Variants in NLRP5 observed in about 807,000 individuals in gnomAD.
NLRP5 encodes NACHT, LRR and PYD domains-containing protein 5.
A neutral mutation model predicts 113.1 loss-of-function variants in NLRP5; 93 were observed. That is an observed-to-expected ratio of 0.82 (90% CI 0.70 to 0.98). NLRP5 has a LOEUF of 0.98. NLRP5 is among the 50% of genes least tolerant of loss of function. NLRP5 has a pLI of 0.00. For synonymous variants in NLRP5, 751 were observed against 600.7 expected (o/e 1.25, Z -3.66); for missense variants, 1,808 against 1,514.3 (o/e 1.19, Z -3.22).
chr19:56,026,196 C>A (rs879525), intron 6 of NLRP5, among the ~76,000 whole-genome samples: 1 of 152,002 alleles, frequency 6.6e-6, no homozygotes, highest in African/African-American at 2.4e-5. Context: ...CACTGATGCT[C>A]GGTCCAGGGT....
chr19:56,059,660 G>C (rs769623430), intron 14 of NLRP5, among the ~76,000 whole-genome samples: 2 of 152,138 alleles, frequency 1.3e-5, no homozygotes, highest in Admixed American at 6.5e-5. Context: ...TCAGCCTCCT[G>C]AGTGGCTGGG....
In NLRP5 at chr19:56,027,595, G is replaced by A. The variant is rs1319067797; in HGVS notation, c.1362G>A (p.Gly454=). ...TTGGTGAGCATCAGAAGACACAAGGGTTGCGTGCGATCATGAACAACCGTG... is the reference window on the plus strand; with the variant it reads ...TTGGTGAGCATCAGAAGACACAAGGATTGCGTGCGATCATGAACAACCGTG... The change falls in exon 7 of 15, where the codon GGG becomes GGA. Residue 454 remains glycine, a synonymous_variant. Coordinates refer to ENST00000390649, the MANE Select transcript of NLRP5 (RefSeq NM_153447.4). 2.5e-6 allele frequency: 4 copies of A among 1,613,926 alleles called. No individual in the cohort carries two copies. The highest frequency in any genetic ancestry group is 3.4e-6 in the Non-Finnish European group (4 of 1,179,898).
At position 56,050,494 on chromosome 19, in the gene NLRP5, C is replaced by T; in HGVS notation, c.3034C>T (p.His1012Tyr). ...GCTTATGGGTAACTCATGGCTGACGCACCTGAGCCTTAGCATGAACCCTGT... is the reference window on the plus strand; with the variant it reads ...GCTTATGGGTAACTCATGGCTGACGTACCTGAGCCTTAGCATGAACCCTGT... Residue 1012 changes from histidine (H) to tyrosine (Y), a missense_variant, in exon 12 of 15, where the codon CAC becomes TAC. His to Tyr is a moderately conservative substitution (Grantham distance 83, BLOSUM62 2). Transcript: ENST00000390649. 1 of 1,613,858 alleles carries T rather than the reference C, an allele frequency of 6.2e-7. No individual in the cohort carries two copies. Among genetic ancestry groups the T allele is most frequent in the Non-Finnish European group, 8.5e-7 (1 of 1,179,840 alleles).
At chr19:56,007,911 G>GGGCACAGAAAGAAGTAGAAA (rs1568483120) in intron 2 of NLRP5, among the ~76,000 whole-genome samples, 16 of 31,082 alleles carry the variant, frequency 5.1e-4, no homozygotes, top group Non-Finnish European at 9.9e-4. Flanking sequence ...GTGCGTGTGT[G>GGGCACAGAAAGAAGTAGAAA]TGTGTGTGTG....
chr19:55,995,543 T>C (rs1050887076), upstream of NLRP5, among the ~76,000 whole-genome samples: 4 of 152,200 alleles, frequency 2.6e-5, no homozygotes, highest in African/African-American at 9.6e-5. Flanking sequence ...TCCAGCTTTC[T>C]TTTTGCTCAA....
the NLRP5 span, chr19:55,987,887 G>C: frequency 1.2e-6 from 2 of 1,613,814 alleles, no homozygotes; most frequent in African/African-American, 2.7e-5. Context: ...GGGAAAAAGT[G>C]ACTGCCTATC....
At chr19:56,048,971 T>TC (rs1983824766) in intron 11 of NLRP5, among the ~76,000 whole-genome samples, 1 of 68,822 alleles carries the variant, frequency 1.5e-5, no homozygotes, top group African/African-American at 4.7e-5. Context: ...CTCTGATTTT[T>TC]TTTTTTAATT....
chr19:55,995,053 T>C (rs1981281538), upstream of NLRP5, among the ~76,000 whole-genome samples: 1 of 152,114 alleles, frequency 6.6e-6, no homozygotes, highest in Non-Finnish European at 1.5e-5. Flanking sequence ...GTTCATGCTC[T>C]TTGTAGGGAC....
intron 6 of NLRP5, among the ~76,000 whole-genome samples, chr19:56,025,734 A>G (rs1000467047): frequency 2.0e-5 from 3 of 152,062 alleles, no homozygotes; most frequent in Middle Eastern, 3.4e-3. Context: ...GTACAGCAGG[A>G]TTCCCCCATT....
chr19:56,011,535 T>C (rs993301967), intron 3 of NLRP5, among the ~76,000 whole-genome samples: 1 of 152,072 alleles, frequency 6.6e-6, no homozygotes, highest in African/African-American at 2.4e-5. Flanking sequence ...GACAATAAGA[T>C]ACATCCATCC....
At chr19:55,992,984 G>C in the NLRP5 span, among the ~76,000 whole-genome samples, 11 of 151,786 alleles carry the variant, frequency 7.2e-5, no homozygotes, top group Non-Finnish European at 1.2e-4. Flanking sequence ...TGAGTAGCTG[G>C]GATTACGGGC....
intron 3 of NLRP5, among the ~76,000 whole-genome samples, chr19:56,013,068 C>T (rs1049341119): frequency 3.7e-4 from 57 of 152,192 alleles, no homozygotes; most frequent in African/African-American, 1.3e-3. Flanking sequence ...CCATACCCAG[C>T]CCCTGGAAAC....
chr19:56,020,009 G>A (rs1431223248), intron 5 of NLRP5, among the ~76,000 whole-genome samples: 1 of 151,702 alleles, frequency 6.6e-6, no homozygotes, highest in Non-Finnish European at 1.5e-5. Flanking sequence ...ACTAATTTTT[G>A]TATTTTTAGT....
the NLRP5 span, among the ~76,000 whole-genome samples, chr19:55,990,112 C>T: frequency 8.0e-4 from 61 of 76,432 alleles, 1 homozygote; most frequent in East Asian, 0.023. Flanking sequence ...TTTTTTGAGA[C>T]AGTGTCTTAC....
intron 11 of NLRP5, among the ~76,000 whole-genome samples, chr19:56,044,262 C>T (rs1412599191): frequency 6.6e-6 from 1 of 151,964 alleles, no homozygotes; most frequent in Non-Finnish European, 1.5e-5. Flanking sequence ...CGGGGTTTCA[C>T]TGTGTTAGCC....
At chr19:56,037,714 A>AAAAAAAAAAAG (rs200215825) in intron 9 of NLRP5, among the ~76,000 whole-genome samples, 2 of 131,672 alleles carry the variant, frequency 1.5e-5, no homozygotes, top group Non-Finnish European at 3.2e-5. Flanking sequence ...AAAAAAAAAA[A>AAAAAAAAAAAG]TGTTGGCTGG....
Position 56,041,051 on chromosome 19 carries a change from T to A in NLRP5, c.2916T>A (p.Cys972Ter). ...GGAACGAAGGTGTAAATCTACTGTGTCGATCCATGAGGCTTCCCCACTGTA... is the reference window on the plus strand; with the variant it reads ...GGAACGAAGGTGTAAATCTACTGTGACGATCCATGAGGCTTCCCCACTGTA... The change falls in exon 11 of 15, where the codon TGT becomes TGA. Residue 972 changes from cysteine to a stop codon, truncating the protein, a stop_gained. Transcript: ENST00000390649. LOFTEE classifies it high-confidence loss of function. 1 of 1,613,970 alleles carries A rather than the reference T, an allele frequency of 6.2e-7. No individual in the cohort carries two copies. Among genetic ancestry groups the A allele is most frequent in the Non-Finnish European group, 8.5e-7 (1 of 1,179,868 alleles).
chr19:56,015,192 G>GT, intron 3 of NLRP5, among the ~76,000 whole-genome samples: 1 of 152,014 alleles, frequency 6.6e-6, no homozygotes, highest in South Asian at 2.1e-4. Context: ...TTTTGTTTTC[G>GT]TTTTGTTTTG....
intron 7 of NLRP5, among the ~76,000 whole-genome samples, chr19:56,031,627 CAAAAAA>C (rs36019339): frequency 8.8e-6 from 1 of 113,178 alleles, no homozygotes; most frequent in African/African-American, 3.3e-5. Context: ...ACTCCGTCTC[CAAAAAA>C]AAAAAAAAAA....
Sources: allele counts gnomAD v4.1 joint callset (sites outside exome capture counted in the v4.1 genomes callset), GRCh38; gene constraint gnomAD v4.1.1; transcripts MANE v1.5; gene names NCBI Gene and HGNC (gene_info 2026-07-23, HGNC 2026-07-21).